The following ATRN variants were observed in gnomAD, a reference collection of about 807,000 sequenced individuals.
ATRN encodes attractin, also known as attractin-2.
Under a neutral mutation model 178.7 loss-of-function variants are expected in ATRN, and 54 were observed. That is an observed-to-expected ratio of 0.30 (90% CI 0.24 to 0.38). The LOEUF is 0.38. Among genes scored for constraint, ATRN ranks in the 10% least tolerant of loss-of-function variants. The pLI, the probability that ATRN is intolerant of heterozygous loss-of-function variation, is 1.00. For missense variants in ATRN, 1,443 were observed against 1,815.1 expected (o/e 0.79, Z 3.73); for synonymous variants, 636 against 663.0 (o/e 0.96, Z 0.63).
chr20:3,571,425 A>G (rs2086120995), intron 11 of ATRN, among the ~76,000 whole-genome samples: 1 of 152,206 alleles, frequency 6.6e-6, no homozygotes, highest in African/African-American at 2.4e-5. Context: ...TTCAGGTTCA[A>G]AAAGTAAATG....
chr20:3,593,115 G>A (rs976479038), intron 19 of ATRN, among the ~76,000 whole-genome samples: 1 of 152,108 alleles, frequency 6.6e-6, no homozygotes, highest in Non-Finnish European at 1.5e-5. Flanking sequence ...TAAGAACCAC[G>A]CCCAGTCTGT....
At chr20:3,566,319 TG>T (rs2146231221) in intron 11 of ATRN, among the ~76,000 whole-genome samples, 1 of 152,310 alleles carries the variant, frequency 6.6e-6, no homozygotes, top group East Asian at 1.9e-4. Context: ...AATCGGCCCT[TG>T]GAGAAGTCTC....
chr20:3,530,215 A>ATT (rs1017470557), intron 1 of ATRN, among the ~76,000 whole-genome samples: 1 of 147,724 alleles, frequency 6.8e-6, no homozygotes, highest in Non-Finnish European at 1.5e-5. Flanking sequence ...ATGGTATGAG[A>ATT]TTTATATATA....
intron 8 of ATRN, among the ~76,000 whole-genome samples, chr20:3,561,611 T>A (rs2085954221): frequency 6.6e-6 from 1 of 152,248 alleles, no homozygotes; most frequent in South Asian, 2.1e-4. Context: ...AATTTCATTG[T>A]ATCTGTTGTT....
At chr20:3,501,268 A>T (rs1242957061) in intron 1 of ATRN, among the ~76,000 whole-genome samples, 1 of 152,156 alleles carries the variant, frequency 6.6e-6, no homozygotes, top group Non-Finnish European at 1.5e-5. Context: ...TTTGAGTTGG[A>T]GATGTCCGTA....
At chr20:3,634,418 A>AT (rs1447129640) in intron 26 of ATRN, 29 bp downstream of exon 26, 1 of 1,593,620 alleles carries the variant, frequency 6.3e-7, no homozygotes, top group Non-Finnish European at 8.6e-7. Context: ...AGATTAAAGA[A>AT]TCCCTGGAAG....
At chr20:3,634,189 T>G in intron 25 of ATRN, 122 bp from the exon 26 acceptor site, 1 of 782,334 alleles carries the variant, frequency 1.3e-6, no homozygotes, top group Non-Finnish European at 2.1e-6. Flanking sequence ...TGACAAAGCA[T>G]CAGAAGGGAG....
chr20:3,490,178 T>A, intron 1 of ATRN: 2 of 1,511,850 alleles, frequency 1.3e-6, no homozygotes, highest in South Asian at 2.2e-5. Context: ...GTCTCTGGGC[T>A]TGCTCTTCTA....
At chr20:3,594,627 C>T (rs6133051) in intron 20 of ATRN, 55 bp downstream of exon 20, 1 of 1,463,782 alleles carries the variant, frequency 6.8e-7, no homozygotes, top group Non-Finnish European at 9.4e-7. Context: ...GTGCAGCTGC[C>T]TGAACCCCAC....
intron 12 of ATRN, among the ~76,000 whole-genome samples, chr20:3,573,859 G>A (rs1362601790): frequency 3.3e-5 from 5 of 151,948 alleles, no homozygotes; most frequent in Non-Finnish European, 7.4e-5. Context: ...CCACCTCCCA[G>A]GTTCAAGTGA....
intron 24 of ATRN, among the ~76,000 whole-genome samples, chr20:3,604,770 T>C (rs774659272): frequency 2.0e-5 from 3 of 152,212 alleles, no homozygotes; most frequent in East Asian, 1.9e-4. Flanking sequence ...CTGGCTCCTA[T>C]ACAAATCATA....
rs1264120161 is a variant in ATRN at position 3,645,368 on chromosome 20, C to T, written c.4165+1100C>T. Among the ~76,000 whole-genome samples, 2 of 152,232 alleles carry T rather than the reference C, an allele frequency of 1.3e-5. No individual in the cohort carries two copies. The highest frequency in any genetic ancestry group is 2.9e-5 in the Non-Finnish European group (2 of 68,036). On this transcript the variant is annotated intron_variant, in intron 28 of 28. Transcript: ENST00000262919. The surrounding 1 kb of genome is among the most constrained non-coding windows in gnomAD (Gnocchi z 4.7). ...GCCAGGATTCATTGTCTTCATCTCA[C>T]CTAGGGATTCCTGTGAGTTGAGCCC...
chr20:3,490,861 C>A (rs533795614), intron 1 of ATRN: 1 of 855,752 alleles, frequency 1.2e-6, no homozygotes, highest in Non-Finnish European at 2.0e-6. Context: ...TTCCCACTGA[C>A]CTCCATATAC....
chr20:3,479,265 A>T (rs749400890), intron 1 of ATRN, among the ~76,000 whole-genome samples: 1 of 152,218 alleles, frequency 6.6e-6, no homozygotes, highest in Non-Finnish European at 1.5e-5. Flanking sequence ...TGTGTTAGGT[A>T]CTGTGCCCTT....
intron 22 of ATRN, among the ~76,000 whole-genome samples, chr20:3,598,308 A>G (rs980311637): frequency 1.3e-5 from 2 of 152,238 alleles, no homozygotes; most frequent in African/African-American, 4.8e-5. Flanking sequence ...GAGGGCAGAT[A>G]GCAGAGCCTG....
intron 23 of ATRN, among the ~76,000 whole-genome samples, chr20:3,601,765 G>A (rs2086612207): frequency 6.7e-6 from 1 of 149,048 alleles, no homozygotes; most frequent in Non-Finnish European, 1.5e-5. Flanking sequence ...TCAGGAGGCT[G>A]AGATGAGAGG....
intron 25 of ATRN, among the ~76,000 whole-genome samples, chr20:3,627,990 G>A (rs1331464689): frequency 6.6e-6 from 1 of 152,138 alleles, no homozygotes; most frequent in East Asian, 1.9e-4. Flanking sequence ...GGCTAACACG[G>A]TGAAACCCCA....
intron 2 of ATRN, among the ~76,000 whole-genome samples, chr20:3,539,051 T>A (rs943022490): frequency 1.3e-5 from 2 of 152,356 alleles, no homozygotes; most frequent in South Asian, 2.1e-4. Flanking sequence ...TCACCTTCTT[T>A]TAATTTCTTC....
In ATRN at chr20:3,604,528, A is replaced by G. The variant is rs570667050; in HGVS notation, c.3801+266A>G. Reference sequence around the variant, plus strand: ...AGATTTGGTCATTATAAACGTATTCACTTCTTCAGTGAGCATTTGCCATGT... The same window carrying G: ...AGATTTGGTCATTATAAACGTATTCGCTTCTTCAGTGAGCATTTGCCATGT... On this transcript the variant is annotated intron_variant, in intron 24 of 28. Coordinates refer to ENST00000262919, the MANE Select transcript of ATRN (RefSeq NM_139321.3). 7.2e-5 allele frequency among the ~76,000 whole-genome samples: 11 copies of G among 152,368 alleles called. 1 individual carries two copies. The East Asian group carries it at 1.2e-3, about 16-fold the overall frequency.
Sources: allele counts gnomAD v4.1 joint callset (sites outside exome capture counted in the v4.1 genomes callset), GRCh38; gene constraint gnomAD v4.1.1; non-coding constraint Gnocchi (gnomAD v3.1); transcripts MANE v1.5; gene names NCBI Gene and HGNC (gene_info 2026-07-23, HGNC 2026-07-21).